The following WDR90 variants were observed in gnomAD, a reference collection of about 807,000 sequenced individuals.
WDR90 encodes the protein WD repeat domain 90.
WDR90 carries 238 observed loss-of-function variants against 195.2 expected under a neutral mutation model. The ratio of observed to expected loss-of-function variants is 1.22; its 90% confidence interval spans 1.10 to 1.36. The LOEUF (loss-of-function observed/expected upper bound fraction) is 1.36. WDR90 is among the 40% of genes most tolerant of loss of function. WDR90 has a pLI of 0.00. For synonymous variants in WDR90, 1,265 were observed against 1,052.4 expected (o/e 1.20, Z -3.91); for missense variants, 2,734 against 2,439.5 (o/e 1.12, Z -2.54).
At chr16:657,336 G>T in intron 20 of WDR90, 115 bp downstream of exon 20, 2 of 1,403,010 alleles carry the variant, frequency 1.4e-6, no homozygotes, top group South Asian at 1.5e-5. Context: ...ACTGGGTCCT[G>T]TGGGGGGGCG....
chr16:663,236 G>A (rs758361417), intron 34 of WDR90: 13 of 355,286 alleles, frequency 3.7e-5, no homozygotes, highest in South Asian at 2.6e-4. Flanking sequence ...TCAGGAGTTC[G>A]AGACCAGCCT....
chr16:664,173 TGGAAACCCCGTGCGTGCCTAGA>T (rs1489927229), intron 34 of WDR90, among the ~76,000 whole-genome samples: 10 of 99,516 alleles, frequency 1.0e-4, no homozygotes, highest in African/African-American at 1.4e-4. Flanking sequence ...TCAGCAGCTT[TGGAAACCCCGTGCGTGCCTAGA>T]GGAAACCCCG....
rs1220783035 is a variant in WDR90 at position 652,280 on chromosome 16, C to T, written c.1054-187C>T. ...CCCCAGGTGGTCTGTGGGGGACCCT[C>T]GAAGGTCTGGCAGTGCAACTGGAGT... is the stretch of plus-strand genomic sequence containing the variant. On this transcript the variant is annotated intron_variant, in intron 9 of 40. Transcript: ENST00000293879. 1.7e-5 allele frequency: 14 copies of T among 817,244 alleles called. No homozygotes were observed. The East Asian group carries it at 2.4e-4, about 14-fold the overall frequency. The allele number at this position is 817,244 out of a possible 1,614,324, so 50.6% of individuals were successfully genotyped here. A position where few individuals can be genotyped will look rare whatever the true frequency, so the allele number is the denominator to read the frequency against.
At chr16:660,836 T>C (rs905016049) in intron 28 of WDR90, 122 bp downstream of exon 28, 100 of 1,185,310 alleles carry the variant, frequency 8.4e-5, no homozygotes, top group Non-Finnish European at 1.1e-4. Flanking sequence ...TGGGGCTCTG[T>C]TCTCCCGGTA....
In WDR90 at chr16:655,690, GACCTT is replaced by G. The variant is rs760784119; in HGVS notation, c.1837_1841del (p.Thr613GlnfsTer23). ...CAGGCGGTCCCCACCCACAGAAGCA[GACCTT>G]CAGCTCAGGTAAGAGGGCGCCCACC... On this transcript the variant is annotated frameshift_variant, in exon 16 of 41. Transcript: ENST00000293879. LOFTEE classifies it high-confidence loss of function. The G allele has an allele frequency of 3.4e-5, 54 of 1,596,916 alleles. No individual in the cohort carries two copies. The African/African-American group carries it at 6.4e-4, about 19-fold the overall frequency.
chr16:659,939 C>T (rs1452236466), intron 26 of WDR90, 119 bp from the exon 27 acceptor site: 14 of 779,082 alleles, frequency 1.8e-5, no homozygotes, highest in South Asian at 3.7e-5. Context: ...GCCTGTGCCC[C>T]GCCGTGCAGT....
In WDR90 at chr16:650,061, C is replaced by T; in HGVS notation, c.173C>T (p.Pro58Leu). ...TCTGCCGCCAACTACATCCAGCTCC[C>T]TAAGAGCAGCACCCAGTCTCTGGGG... ...SVSAANYIQLPKSSTQSLGLT... is the reference protein window; with the variant it reads ...SVSAANYIQLLKSSTQSLGLT... The change falls in exon 3 of 41, where the codon CCT becomes CTT. Residue 58 changes from proline (P) to leucine (L), a missense_variant. Physicochemically the swap from Pro to Leu is moderately conservative, Grantham distance 98. Transcript: ENST00000293879. The T allele has an allele frequency of 6.2e-7, 1 of 1,612,956 alleles. No individual in the cohort carries two copies. The highest frequency in any genetic ancestry group is 2.2e-5 in the East Asian group (1 of 44,876).
intron 34 of WDR90, chr16:663,284 A>C (rs1026494070): frequency 2.9e-6 from 1 of 339,746 alleles, no homozygotes; most frequent in Non-Finnish European, 5.8e-6. Flanking sequence ...CTGAAAATAC[A>C]AAAATTAGCC....
intron 20 of WDR90, chr16:657,450 A>G: frequency 1.3e-6 from 1 of 774,528 alleles, no homozygotes. Flanking sequence ...AGGAGGCGGC[A>G]GGCAGCCCAA....
In WDR90 at chr16:652,705, T is replaced by C. The variant is rs1224623465; in HGVS notation, c.1122+170T>C. Among the ~76,000 whole-genome samples the C allele has an allele frequency of 4.6e-5, 7 of 152,302 alleles. 1 individual carries two copies. Among genetic ancestry groups the C allele is most frequent in the African/African-American group, 1.7e-4 (7 of 41,578 alleles). ...CTGCAGTCCGCTGCTTCCCGCGTGC[T>C]CAGGCATCTGCCCCGCCCACAGCTG... On this transcript the variant is annotated intron_variant, in intron 10 of 40. Transcript: ENST00000293879.
chr16:657,841 G>T lies in WDR90; in HGVS notation c.2553G>T (p.Val851=), dbSNP rs1477906793. Reference sequence around the variant, plus strand: ...GGGATGGCCGCCTGCTGGCCTTTGTGGGACCCTCCAGGTGCACAGTGACAG... The same window carrying T: ...GGGATGGCCGCCTGCTGGCCTTTGTTGGACCCTCCAGGTGCACAGTGACAG... ...VSRDGRLLAF[V]GPSRCTVTVM... The change falls in exon 21 of 41, where the codon GTG becomes GTT. Residue 851 remains valine, a synonymous_variant. Transcript: ENST00000293879. 1.9e-6 allele frequency: 3 copies of T among 1,586,332 alleles called. No homozygotes were observed. The highest frequency in any genetic ancestry group is 2.7e-5 in the African/African-American group (2 of 74,400).
At position 657,337 on chromosome 16, in the gene WDR90, TG is replaced by T. The variant is rs996171749; in HGVS notation, c.2473+123del. ...TTCCTGGTGCACCGACTGGGTCCTGTGGGGGGGCGTGGCCGCCTCAGTAACC... is the reference window on the plus strand; with the variant it reads ...TTCCTGGTGCACCGACTGGGTCCTGTGGGGGGCGTGGCCGCCTCAGTAACC... On this transcript the variant is annotated intron_variant, in intron 20 of 40. Transcript: ENST00000293879. 9.3e-6 allele frequency: 13 copies of T among 1,401,734 alleles called. No homozygotes were observed. In the African/African-American group the frequency reaches 1.7e-4, roughly 19 times the overall value. 86.8% of individuals were successfully genotyped at this position (1,401,734 alleles called of 1,614,324 possible).
At chr16:663,747 A>G (rs4984908) in intron 34 of WDR90, among the ~76,000 whole-genome samples, 82,372 of 152,076 alleles carry the variant, frequency 0.54, 25,767 homozygotes, top group East Asian at 0.98. Flanking sequence ...TGGGGTTGGG[A>G]CAGCCACCGT....
At position 666,451 on chromosome 16, in the gene WDR90, C is replaced by T. The variant is rs778810275; in HGVS notation, c.4741-4C>T. The T allele has an allele frequency of 6.2e-7, 1 of 1,610,096 alleles. No individual in the cohort carries two copies. Among genetic ancestry groups the T allele is most frequent in the Non-Finnish European group, 8.5e-7 (1 of 1,178,018 alleles). On this transcript the variant is annotated splice_region_variant and splice_polypyrimidine_tract_variant and intron_variant, in intron 37 of 40. Transcript: ENST00000293879. ...CTGTCGGCCCTCACCCACTCCATTC[C>T]CAGTGTGAAGACTTAGGGGTGGAGG...
rs528429275 is a variant in WDR90 at position 660,684 on chromosome 16, C to T, written c.3361C>T (p.Arg1121Trp). 2.4e-5 allele frequency: 38 copies of T among 1,579,076 alleles called. No individual in the cohort carries two copies. The highest frequency in any genetic ancestry group is 1.7e-4 in the Middle Eastern group (1 of 6,018). Reference protein sequence around the residue: ...KAVVGYSGNGRANMVWRPDTG... With the variant: ...KAVVGYSGNGWANMVWRPDTG... ...TGTCGTCGGTTACAGCGGGAATGGG[C>T]GGGCCAACATGGTCTGGAGGCCGGA... Residue 1121 changes from arginine to tryptophan, a missense_variant, in exon 28 of 41, where the codon CGG becomes TGG. Transcript: ENST00000293879.
rs571373135 is a variant in WDR90 at position 653,816 on chromosome 16, T to G, written c.1437+13T>G. 7 of 1,612,974 alleles carry G rather than the reference T, an allele frequency of 4.3e-6. No homozygotes were observed. In the Admixed American group the frequency reaches 5.0e-5, roughly 12 times the overall value. On this transcript the variant is annotated intron_variant, in intron 13 of 40. Coordinates refer to ENST00000293879, the MANE Select transcript of WDR90 (RefSeq NM_145294.5). The stretch of plus-strand genomic sequence containing the variant: ...CCACGGGAGGACGGTAACAGGGCCC[T>G]GGCTGCGGGTTGGGGTGGGGCTGTC...
rs775885084 is a variant in WDR90 at position 650,915 on chromosome 16, G to A, written c.560-80G>A. ...GTGGGGCGGTGGCTGGGCTGGTGGC[G>A]TGGCAGTGCCTTGGCGGGTGCCCTG... On this transcript the variant is annotated intron_variant, in intron 5 of 40. Transcript: ENST00000293879. The A allele has an allele frequency of 1.7e-5, 26 of 1,543,326 alleles. 1 individual carries two copies. The highest frequency in any genetic ancestry group is 3.4e-4 in the Middle Eastern group (2 of 5,914).
chr16:649,509 C>T lies in WDR90; in HGVS notation c.10+83C>T, dbSNP rs980971690. On this transcript the variant is annotated intron_variant, in intron 1 of 40. Transcript: ENST00000293879. The stretch of plus-strand genomic sequence containing the variant: ...GGGTCGGCGGCCGGAGCGCTCAGGG[C>T]CCCCGCCTAGGCCCTGAGGCCAGAG... 10 of 1,271,038 alleles carry T rather than the reference C, an allele frequency of 7.9e-6. No individual in the cohort carries two copies. The Admixed American group carries it at 1.3e-4, about 16-fold the overall frequency. 78.7% of individuals were successfully genotyped at this position (1,271,038 alleles called of 1,614,324 possible). A position where few individuals can be genotyped will look rare whatever the true frequency, so the allele number is the denominator to read the frequency against.
intron 19 of WDR90, 59 bp downstream of exon 19, chr16:656,930 C>T: frequency 6.3e-7 from 1 of 1,581,622 alleles, no homozygotes. Flanking sequence ...CTGGGGTGGC[C>T]AGGTGGGGGT....
Sources: gnomAD v4.1 joint callset for allele counts (sites outside exome capture counted in the v4.1 genomes callset) on GRCh38, gnomAD v4.1.1 for gene constraint, MANE v1.5 for transcripts, NCBI Gene and HGNC (gene_info 2026-07-23, HGNC 2026-07-21) for gene names.